Variants in FTCDNL1 observed in about 807,000 individuals in gnomAD.
FTCDNL1 encodes formiminotransferase cyclodeaminase N-terminal like, also known as formiminotransferase N-terminal subdomain-containing protein.
In FTCDNL1, 11 loss-of-function variants were observed where a neutral mutation model predicts 5.9. The ratio of observed to expected loss-of-function variants is 1.87; its 90% CI spans 1.18 to 3.10. The LOEUF (loss-of-function observed/expected upper bound fraction) is 3.10, where lower values mean the gene tolerates loss of function less well. Among genes scored for constraint, FTCDNL1 ranks in the 30% most tolerant of loss-of-function variants. The pLI is 0.00. For synonymous variants in FTCDNL1, 58 were observed against 24.8 expected, an observed-to-expected ratio of 2.34 and a Z score of -3.99; for missense variants, 115 against 65.5, an observed-to-expected ratio of 1.76 and a Z score of -2.61.
At chr2:199,834,108 G>A (rs768222030) in intron 3 of FTCDNL1, among the ~76,000 whole-genome samples, 19 of 152,088 alleles carry the variant, frequency 1.2e-4, no homozygotes, top group Non-Finnish European at 1.5e-4. Context: ...TCATACTACA[G>A]TAGGTTGGGT....
intron 3 of FTCDNL1, among the ~76,000 whole-genome samples, chr2:199,841,188 A>G (rs2076576943): frequency 6.6e-6 from 1 of 151,922 alleles, no homozygotes; most frequent in South Asian, 2.1e-4. Context: ...AGTGATAAAA[A>G]TGGGATGTAG....
At chr2:199,711,886 C>T in the FTCDNL1 span, among the ~76,000 whole-genome samples, 1 of 152,100 alleles carries the variant, frequency 6.6e-6, no homozygotes, top group Non-Finnish European at 1.5e-5. Flanking sequence ...TTAGTCAATC[C>T]TCAGCCAGCC....
At chr2:199,717,283 C>T in the FTCDNL1 span, among the ~76,000 whole-genome samples, 5 of 152,258 alleles carry the variant, frequency 3.3e-5, no homozygotes, top group African/African-American at 9.6e-5. Context: ...GCTGACACTT[C>T]AGCTTCCCAT....
At chr2:199,678,833 T>C in the FTCDNL1 span, among the ~76,000 whole-genome samples, 3 of 152,274 alleles carry the variant, frequency 2.0e-5, no homozygotes, top group Non-Finnish European at 4.4e-5. Context: ...ATTTAATTAC[T>C]ACTTTATTCT....
chr2:199,681,804 T>C, the FTCDNL1 span, among the ~76,000 whole-genome samples: 1 of 152,164 alleles, frequency 6.6e-6, no homozygotes, highest in African/African-American at 2.4e-5. Context: ...ATACGGGTGC[T>C]AATATTAATC....
At chr2:199,718,499 T>C in the FTCDNL1 span, among the ~76,000 whole-genome samples, 1 of 152,214 alleles carries the variant, frequency 6.6e-6, no homozygotes, top group South Asian at 2.1e-4. Flanking sequence ...TAAATAGTGA[T>C]GCAATTAACA....
At chr2:199,780,570 A>G (rs965827248) in intron 3 of FTCDNL1, among the ~76,000 whole-genome samples, 11 of 152,196 alleles carry the variant, frequency 7.2e-5, no homozygotes, top group African/African-American at 2.7e-4. Context: ...AGCTGGTCTC[A>G]AAACCAGCCC....
chr2:199,709,993 T>C, the FTCDNL1 span, among the ~76,000 whole-genome samples: 2 of 152,130 alleles, frequency 1.3e-5, no homozygotes, highest in African/African-American at 2.4e-5. Context: ...CATTTGCCTA[T>C]TTGCTAAAAT....
chr2:199,718,817 T>A, the FTCDNL1 span, among the ~76,000 whole-genome samples: 1 of 152,296 alleles, frequency 6.6e-6, no homozygotes, highest in Admixed American at 6.5e-5. Flanking sequence ...ATTTTTTTCA[T>A]GTTTCTTGGC....
intron 3 of FTCDNL1, among the ~76,000 whole-genome samples, chr2:199,797,614 G>A (rs1700235862): frequency 6.6e-6 from 1 of 152,216 alleles, no homozygotes; most frequent in Admixed American, 6.5e-5. Context: ...AAAAGCTGAT[G>A]ATGGAGACTG....
At chr2:199,843,439 C>T (rs185368044) in intron 3 of FTCDNL1, among the ~76,000 whole-genome samples, 53 of 152,290 alleles carry the variant, frequency 3.5e-4, no homozygotes, top group Non-Finnish European at 2.4e-4. Context: ...CCCCACCCCC[C>T]CATGCTGAAT....
downstream of FTCDNL1, among the ~76,000 whole-genome samples, chr2:199,806,708 T>C (rs1196676396): frequency 6.6e-6 from 1 of 152,168 alleles, no homozygotes; most frequent in Non-Finnish European, 1.5e-5. Context: ...TTTTAATTTA[T>C]CGTGAGTCAA....
intron 3 of FTCDNL1, among the ~76,000 whole-genome samples, chr2:199,772,545 C>T (rs141955220): frequency 6.6e-6 from 1 of 152,220 alleles, no homozygotes; most frequent in Admixed American, 6.5e-5. Flanking sequence ...CTAATCCTCC[C>T]CATGACCCCA....
chr2:199,688,481 C>G, the FTCDNL1 span, among the ~76,000 whole-genome samples: 1 of 151,972 alleles, frequency 6.6e-6, no homozygotes, highest in East Asian at 1.9e-4. Context: ...CCAAGTAATT[C>G]TGACCCTGAT....
chr2:199,798,208 T>C (rs1700265900), intron 3 of FTCDNL1, among the ~76,000 whole-genome samples: 1 of 152,176 alleles, frequency 6.6e-6, no homozygotes, highest in Non-Finnish European at 1.5e-5. Flanking sequence ...AAACCAACTA[T>C]ACCTAGAGAG....
At chr2:199,746,582 G>A in the FTCDNL1 span, among the ~76,000 whole-genome samples, 1 of 151,904 alleles carries the variant, frequency 6.6e-6, no homozygotes, top group East Asian at 1.9e-4. Flanking sequence ...AATAGGCTTT[G>A]TTAAAAACCA....
intron 3 of FTCDNL1, among the ~76,000 whole-genome samples, chr2:199,822,042 T>C (rs1701725882): frequency 6.6e-6 from 1 of 152,234 alleles, no homozygotes; most frequent in South Asian, 2.1e-4. Context: ...GTTTATATTA[T>C]ACTGTAATCT....
chr2:199,765,810 T>C (rs1207088587), intron 3 of FTCDNL1, among the ~76,000 whole-genome samples: 1 of 151,924 alleles, frequency 6.6e-6, no homozygotes, highest in African/African-American at 2.4e-5. Flanking sequence ...CCCAAAGTAC[T>C]GGGATTACAG....
At chr2:199,667,749 T>C in the FTCDNL1 span, among the ~76,000 whole-genome samples, 1 of 152,208 alleles carries the variant, frequency 6.6e-6, no homozygotes, top group Non-Finnish European at 1.5e-5. Context: ...AGCCAATTAA[T>C]GTGTCTGAGT....
Sources: gnomAD v4.1 joint callset for allele counts (sites outside exome capture counted in the v4.1 genomes callset) on GRCh38, gnomAD v4.1.1 for gene constraint, MANE v1.5 for transcripts, NCBI Gene and HGNC (gene_info 2026-07-23, HGNC 2026-07-21) for gene names.